The following FAM8A1 variants were observed in gnomAD, a reference collection of about 807,000 sequenced individuals.
FAM8A1 encodes the protein protein FAM8A1.
Under a neutral mutation model 38.3 loss-of-function variants are expected in FAM8A1, and 18 were observed. That is an observed-to-expected ratio of 0.47 (90% confidence interval 0.33 to 0.70). The LOEUF (loss-of-function observed/expected upper bound fraction) is 0.70. FAM8A1 is among the 30% of genes least tolerant of loss of function. FAM8A1 has a pLI of 0.03. For missense variants in FAM8A1, 559 were observed against 559.6 expected (o/e 1.00, Z 0.01); for synonymous variants, 246 against 234.4 (o/e 1.05, Z -0.45).
rs1452914163 is a variant in FAM8A1, at chr6:17,609,907, CTT to C, written c.*1569_*1570del. The C allele has an allele frequency of 5.3e-5, 8 of 152,114 alleles. No homozygotes were observed. Among genetic ancestry groups the C allele is most frequent in the East Asian group, 1.9e-4 (1 of 5,186 alleles). The allele number at this position is 152,114 out of a possible 1,614,324, so 9.4% of individuals were successfully genotyped here. On this transcript the variant is annotated 3_prime_UTR_variant, in exon 5 of 5. Transcript: ENST00000259963. ...AGATATTCACATTTGATTATAGAAACTTAATGTCTATTAATAATTTTAGTACA... is the reference window on the plus strand; with the variant it reads ...AGATATTCACATTTGATTATAGAAACAATGTCTATTAATAATTTTAGTACA...
chr6:17,606,482 G>T (rs1764055051), intron 4 of FAM8A1, among the ~76,000 whole-genome samples: 1 of 152,140 alleles, frequency 6.6e-6, no homozygotes, highest in Non-Finnish European at 1.5e-5. Flanking sequence ...TTACAGACGT[G>T]AGCCACCATG....
intron 4 of FAM8A1, 88 bp from the exon 5 acceptor site, chr6:17,608,107 A>G: frequency 7.3e-7 from 1 of 1,370,312 alleles, no homozygotes; most frequent in South Asian, 1.3e-5. Flanking sequence ...TTGTGTTTTA[A>G]ATGTCTATTT....
chr6:17,608,451 T>G lies in FAM8A1; in HGVS notation c.*112T>G. 6.5e-6 allele frequency: 8 copies of G among 1,227,970 alleles called. No homozygotes were observed. Among genetic ancestry groups the G allele is most frequent in the Non-Finnish European group, 7.8e-6 (7 of 902,772 alleles). 76.1% of individuals were successfully genotyped at this position (1,227,970 alleles called of 1,614,324 possible). A position where few individuals can be genotyped will look rare whatever the true frequency, so the allele number is the denominator to read the frequency against. Reference sequence around the variant, plus strand: ...TTAGAAATTAAAGCAGTCACTCCAGTGTGATGCAGGTGACTACTCTGAAAG... The same window carrying G: ...TTAGAAATTAAAGCAGTCACTCCAGGGTGATGCAGGTGACTACTCTGAAAG... On this transcript the variant is annotated 3_prime_UTR_variant, in exon 5 of 5. Transcript: ENST00000259963.
intron 4 of FAM8A1, 48 bp from the exon 5 acceptor site, chr6:17,608,147 T>C: frequency 1.9e-6 from 3 of 1,594,970 alleles, no homozygotes; most frequent in Non-Finnish European, 2.6e-6. Flanking sequence ...TTAATCTATA[T>C]GTGGTTTGAT....
intron 2 of FAM8A1, 147 bp downstream of exon 2, chr6:17,602,857 G>A (rs1401045937): frequency 1.4e-6 from 1 of 731,986 alleles, no homozygotes; most frequent in Non-Finnish European, 2.0e-6. Flanking sequence ...TAGATTTATT[G>A]TTTTCTTGTT....
At position 17,609,263 on chromosome 6, in the gene FAM8A1, C is replaced by G. The variant is rs181441982; in HGVS notation, c.*924C>G. 1.8e-4 allele frequency: 28 copies of G among 152,154 alleles called. 1 individual carries two copies. The East Asian group carries it at 3.1e-3, about 17-fold the overall frequency. The allele number at this position is 152,154 out of a possible 1,614,324, so 9.4% of individuals were successfully genotyped here. ...GAAAGTATTAGTGCTTCTCAGTGTT[C>G]TCAGTGTAAATTCTATTTATATACA... On this transcript the variant is annotated 3_prime_UTR_variant, in exon 5 of 5. Transcript: ENST00000259963.
Position 17,605,806 on chromosome 6 carries a change from G to A in FAM8A1, c.958-68G>A, listed in dbSNP as rs969756814. On this transcript the variant is annotated intron_variant, in intron 3 of 4. Transcript: ENST00000259963. ...AATTTAAAACATGAAATAATATGGT[G>A]GGAAAAGTTTATCTTTAAAATTGGT... 3.6e-6 allele frequency: 5 copies of A among 1,372,594 alleles called. No individual in the cohort carries two copies. The South Asian group carries it at 5.1e-5, about 14-fold the overall frequency. The allele number at this position is 1,372,594 out of a possible 1,614,324, so 85.0% of individuals were successfully genotyped here.
Position 17,600,967 on chromosome 6 carries a change from C to G in FAM8A1, c.558C>G (p.Asp186Glu), listed in dbSNP as rs561770840. The G allele has an allele frequency of 6.3e-7, 1 of 1,595,236 alleles. No homozygotes were observed. The highest frequency in any genetic ancestry group is 2.3e-5 in the East Asian group (1 of 44,232). Reference sequence around the variant, plus strand: ...TGAGCCCCGGGGCCGCGGGGCCTGACCCGCGGACAGCTGCCGGCATCAGCA... The same window carrying G: ...TGAGCCCCGGGGCCGCGGGGCCTGAGCCGCGGACAGCTGCCGGCATCAGCA... ...YFLSPGAAGP[D>E]PRTAAGISTP... The change falls in exon 1 of 5, where the codon GAC becomes GAG. Residue 186 changes from aspartate (D) to glutamate (E), a missense_variant. By Grantham distance (45) the Asp-to-Glu change is conservative (BLOSUM62 2). Transcript: ENST00000259963.
At chr6:17,605,772 A>C in intron 3 of FAM8A1, 102 bp from the exon 4 acceptor site, 1 of 1,231,690 alleles carries the variant, frequency 8.1e-7, no homozygotes, top group Non-Finnish European at 1.1e-6. Context: ...CAATTCTTTC[A>C]ACTTGAAAAA....
intron 1 of FAM8A1, among the ~76,000 whole-genome samples, chr6:17,601,402 C>T (rs566840835): frequency 1.3e-5 from 2 of 152,356 alleles, no homozygotes; most frequent in East Asian, 3.9e-4. Flanking sequence ...TCAAACCATC[C>T]TCTTCCTTTG....
At chr6:17,603,462 G>GT (rs1411783538) in intron 2 of FAM8A1, among the ~76,000 whole-genome samples, 1 of 152,144 alleles carries the variant, frequency 6.6e-6, no homozygotes, top group Non-Finnish European at 1.5e-5. Context: ...CCAGAAACCT[G>GT]TTACTGTGAT....
At position 17,600,951 on chromosome 6, in the gene FAM8A1, G is replaced by A. The variant is rs755586392; in HGVS notation, c.542G>A (p.Gly181Glu). ...YYNPFYFLSP[G>E]AAGPDPRTAA... ...AACCCCTTCTACTTCCTGAGCCCCG[G>A]GGCCGCGGGGCCTGACCCGCGGACA... Residue 181 changes from glycine to glutamate, a missense_variant, in exon 1 of 5, where the codon GGG becomes GAG. Gly to Glu is a moderately conservative substitution (Grantham distance 98, BLOSUM62 -2). Transcript: ENST00000259963. 4 of 1,592,198 alleles carry A rather than the reference G, an allele frequency of 2.5e-6. No individual in the cohort carries two copies. Among genetic ancestry groups the A allele is most frequent in the African/African-American group, 1.3e-5 (1 of 74,320 alleles).
rs1401803416 is a variant in FAM8A1, at chr6:17,609,972, T to C, written c.*1633T>C. Reference sequence around the variant, plus strand: ...CCGTGTTTTTCAAAATAAGTTTATGTCAAATCCAGCTTCCCAGAAACACTA... The same window carrying C: ...CCGTGTTTTTCAAAATAAGTTTATGCCAAATCCAGCTTCCCAGAAACACTA... On this transcript the variant is annotated 3_prime_UTR_variant, in exon 5 of 5. Transcript: ENST00000259963. 2 of 152,206 alleles carry C rather than the reference T, an allele frequency of 1.3e-5. No individual in the cohort carries two copies. The highest frequency in any genetic ancestry group is 2.9e-5 in the Non-Finnish European group (2 of 68,020). The allele number at this position is 152,206 out of a possible 1,614,324, so 9.4% of individuals were successfully genotyped here.
At chr6:17,606,107 A>G in intron 4 of FAM8A1, 94 bp downstream of exon 4, 1 of 889,374 alleles carries the variant, frequency 1.1e-6, no homozygotes, top group Non-Finnish European at 1.5e-6. Flanking sequence ...AGATAGGCTT[A>G]TATTTATTAA....
At position 17,608,535 on chromosome 6, in the gene FAM8A1, G is replaced by A. The variant is rs551090810; in HGVS notation, c.*196G>A. The stretch of plus-strand genomic sequence containing the variant: ...CAGAAGAAAAACCTGTTAAATTCAA[G>A]TATTAAAATTTTTAGATCAAAAAGG... On this transcript the variant is annotated 3_prime_UTR_variant, in exon 5 of 5. Transcript: ENST00000259963. 59 of 467,342 alleles carry A rather than the reference G, an allele frequency of 1.3e-4. No individual in the cohort carries two copies. The highest frequency in any genetic ancestry group is 7.2e-4 in the African/African-American group (36 of 49,936). 28.9% of individuals were successfully genotyped at this position (467,342 alleles called of 1,614,324 possible). A position where few individuals can be genotyped will look rare whatever the true frequency, so the allele number is the denominator to read the frequency against.
At position 17,606,023 on chromosome 6, in the gene FAM8A1, T is replaced by C. The variant is rs1359852588; in HGVS notation, c.1097+10T>C. Reference sequence around the variant, plus strand: ...ATGTTAGCATTACAACGTAAGTCCTTTTCTTAGCTTAATCTACTACATACT... The same window carrying C: ...ATGTTAGCATTACAACGTAAGTCCTCTTCTTAGCTTAATCTACTACATACT... On this transcript the variant is annotated intron_variant, in intron 4 of 4. Transcript: ENST00000259963. The C allele has an allele frequency of 6.5e-7, 1 of 1,529,652 alleles. No individual in the cohort carries two copies. The allele number at this position is 1,529,652 out of a possible 1,614,324, so 94.8% of individuals were successfully genotyped here. A position where few individuals can be genotyped will look rare whatever the true frequency, so the allele number is the denominator to read the frequency against.
chr6:17,603,918 G>A (rs571210824), intron 2 of FAM8A1, among the ~76,000 whole-genome samples: 12 of 151,726 alleles, frequency 7.9e-5, no homozygotes, highest in African/African-American at 1.9e-4. Flanking sequence ...TCCCTACTCC[G>A]ATTACTGTCG....
intron 3 of FAM8A1, 147 bp from the exon 4 acceptor site, chr6:17,605,727 A>G (rs1462146644): frequency 4.4e-6 from 3 of 683,330 alleles, no homozygotes; most frequent in African/African-American, 1.8e-5. Context: ...ACAGAAATGC[A>G]TAAAGTTAAA....
chr6:17,611,100 A>G lies in FAM8A1; in HGVS notation c.*2761A>G, dbSNP rs1244381286. The G allele has an allele frequency of 6.6e-6, 1 of 152,198 alleles. No individual in the cohort carries two copies. The highest frequency in any genetic ancestry group is 1.5e-5 in the Non-Finnish European group (1 of 68,024). 9.4% of individuals were successfully genotyped at this position (152,198 alleles called of 1,614,324 possible). Reference sequence around the variant, plus strand: ...CTTTGCTCCCACTGGTTTAATAGTTACTTATTTCTGCCTAAGCACTCACCT... The same window carrying G: ...CTTTGCTCCCACTGGTTTAATAGTTGCTTATTTCTGCCTAAGCACTCACCT... On this transcript the variant is annotated 3_prime_UTR_variant, in exon 5 of 5. Transcript: ENST00000259963.
Sources: gnomAD v4.1 joint callset for allele counts (sites outside exome capture counted in the v4.1 genomes callset) on GRCh38, gnomAD v4.1.1 for gene constraint, MANE v1.5 for transcripts, NCBI Gene and HGNC (gene_info 2026-07-23, HGNC 2026-07-21) for gene names.